Variants in NFIL3 observed in about 807,000 individuals in gnomAD.
The protein encoded by NFIL3 is nuclear factor interleukin-3-regulated protein.
NFIL3 carries 5 observed loss-of-function variants against 10.0 expected under a neutral mutation model. The observed-to-expected ratio is 0.50, with a 90% CI of 0.26 to 1.06. NFIL3 has a LOEUF of 1.06. Ranked by LOEUF, NFIL3 falls within the 50% of genes least tolerant of loss-of-function variation. NFIL3 has a pLI of 0.13. For missense variants in NFIL3, 436 were observed against 547.6 expected, an observed-to-expected ratio of 0.80 and a Z score of 2.03; for synonymous variants, 202 against 206.5, an observed-to-expected ratio of 0.98 and a Z score of 0.19.
chr9:91,450,115 A>T, the NFIL3 span, among the ~76,000 whole-genome samples: 1 of 152,084 alleles, frequency 6.6e-6, no homozygotes, highest in Non-Finnish European at 1.5e-5. Flanking sequence ...TAGTCTAGCT[A>T]AATTTTGTTA....
Position 91,409,123 on chromosome 9 carries a change from T to C in NFIL3, c.*223A>G. 2.2e-6 allele frequency: 1 copy of C among 464,048 alleles called. No individual in the cohort carries two copies. Among genetic ancestry groups the C allele is most frequent in the Non-Finnish European group, 3.8e-6 (1 of 265,330 alleles). The allele number at this position is 464,048 out of a possible 1,614,324, so 28.7% of individuals were successfully genotyped here. ...ATAGAACAACAAAAATAATGTTCAA[T>C]ATATACAGCCTTCGCATGGACTATC... On this transcript the variant is annotated 3_prime_UTR_variant, in exon 2 of 2. Coordinates refer to ENST00000297689, the MANE Select transcript of NFIL3 (RefSeq NM_005384.3).
chr9:91,440,006 T>C, the NFIL3 span, among the ~76,000 whole-genome samples: 1 of 152,150 alleles, frequency 6.6e-6, no homozygotes, highest in Non-Finnish European at 1.5e-5. Flanking sequence ...CTGGATTAGG[T>C]ATCAAGATGA....
At chr9:91,475,167 A>G in the NFIL3 span, among the ~76,000 whole-genome samples, 973 of 152,282 alleles carry the variant, frequency 6.4e-3, 15 homozygotes, top group South Asian at 0.047. Context: ...CTACCCACTC[A>G]TTACTTTGTT....
chr9:91,447,764 C>T, the NFIL3 span, among the ~76,000 whole-genome samples: 70,757 of 151,986 alleles, frequency 0.47, 21,118 homozygotes, highest in African/African-American at 0.84. Flanking sequence ...TGCAAATATT[C>T]TTTTTACCAT....
At chr9:91,443,549 C>T in the NFIL3 span, among the ~76,000 whole-genome samples, 1 of 152,220 alleles carries the variant, frequency 6.6e-6, no homozygotes, top group Admixed American at 6.5e-5. Flanking sequence ...CGGCAGGGGG[C>T]TAACATGTCA....
the NFIL3 span, among the ~76,000 whole-genome samples, chr9:91,434,517 G>A: frequency 1.3e-5 from 2 of 152,168 alleles, no homozygotes; most frequent in East Asian, 3.9e-4. Flanking sequence ...CAAAATATGG[G>A]AGAACAGGTC....
chr9:91,477,987 T>A, the NFIL3 span, among the ~76,000 whole-genome samples: 1 of 152,188 alleles, frequency 6.6e-6, no homozygotes, highest in African/African-American at 2.4e-5. Context: ...CCCACTCTCT[T>A]CTGGCTTGTA....
chr9:91,449,611 A>T, the NFIL3 span, among the ~76,000 whole-genome samples: 5 of 151,846 alleles, frequency 3.3e-5, no homozygotes, highest in Non-Finnish European at 5.9e-5. Context: ...GTTTGCTAGG[A>T]TTTTGTTGAG....
intron 1 of NFIL3, among the ~76,000 whole-genome samples, chr9:91,412,784 G>A (rs534929509): frequency 3.3e-5 from 5 of 151,668 alleles, no homozygotes; most frequent in South Asian, 2.1e-4. Flanking sequence ...CCCAGGAGGC[G>A]GAGGTTGCAG....
the NFIL3 span, among the ~76,000 whole-genome samples, chr9:91,481,818 G>C: frequency 4.6e-5 from 7 of 151,978 alleles, no homozygotes; most frequent in African/African-American, 1.4e-4. Flanking sequence ...AAAATAAAAA[G>C]ATTTTAAAAT....
At chr9:91,445,626 G>A in the NFIL3 span, among the ~76,000 whole-genome samples, 2 of 152,138 alleles carry the variant, frequency 1.3e-5, no homozygotes, top group African/African-American at 2.4e-5. Flanking sequence ...TTCTCTGAGG[G>A]GTGGGGTGCA....
the NFIL3 span, among the ~76,000 whole-genome samples, chr9:91,462,752 G>A: frequency 5.8e-5 from 8 of 137,108 alleles, no homozygotes; most frequent in Admixed American, 6.7e-4. Context: ...TTTTCTGGAA[G>A]AGATTGTATT....
chr9:91,454,945 T>C, the NFIL3 span, among the ~76,000 whole-genome samples: 1 of 152,258 alleles, frequency 6.6e-6, no homozygotes, highest in African/African-American at 2.4e-5. Context: ...ATTAAATGTC[T>C]ACTATGTGTT....
chr9:91,454,011 T>A, the NFIL3 span, among the ~76,000 whole-genome samples: 1,010 of 151,448 alleles, frequency 6.7e-3, 13 homozygotes, highest in Non-Finnish European at 0.011. Context: ...AGGCGGGGGA[T>A]CACTTGAGGT....
chr9:91,424,466 G>C (rs1477755832), upstream of NFIL3, among the ~76,000 whole-genome samples: 3 of 152,298 alleles, frequency 2.0e-5, no homozygotes, highest in African/African-American at 7.2e-5. Flanking sequence ...CCAACACTCG[G>C]GGCGCGCTGC....
chr9:91,426,023 T>A (rs1003013105), upstream of NFIL3, among the ~76,000 whole-genome samples: 11 of 152,188 alleles, frequency 7.2e-5, no homozygotes, highest in African/African-American at 2.4e-4. Context: ...TTGTAGTAAA[T>A]GTCTTTCTTT....
chr9:91,410,185 G>T lies in NFIL3; in HGVS notation c.550C>A (p.Gln184Lys). Residue 184 changes from glutamine to lysine, a missense_variant, in exon 2 of 2, where the codon CAA becomes AAA. Around this residue, in one of 3 missense-constraint regions of NFIL3, gnomAD observed 338 missense variants for 399.9 expected, o/e 0.85. Coordinates refer to ENST00000297689, the MANE Select transcript of NFIL3 (RefSeq NM_005384.3). This position sits in a 1 kb window ranked among gnomAD's most constrained non-coding sequence, Gnocchi z 5.7. ...TCTGAAACATCGGACAGCGAGCTTT[G>T]TGGAGAGTGTTTAATGACAGAAATA... is the stretch of plus-strand genomic sequence containing the variant. Reference protein sequence around the residue: ...SCISVIKHSPQSSLSDVSEVS... With the variant: ...SCISVIKHSPKSSLSDVSEVS... 1.2e-6 allele frequency: 2 copies of T among 1,614,146 alleles called. No homozygotes were observed. Among genetic ancestry groups the T allele is most frequent in the Admixed American group, 3.3e-5 (2 of 60,024 alleles).
the NFIL3 span, among the ~76,000 whole-genome samples, chr9:91,477,007 T>C: frequency 2.0e-5 from 3 of 152,232 alleles, no homozygotes; most frequent in African/African-American, 7.2e-5. Context: ...TTCTGTTTGT[T>C]TTCTGTTGCT....
At chr9:91,478,875 T>C in the NFIL3 span, among the ~76,000 whole-genome samples, 2 of 152,186 alleles carry the variant, frequency 1.3e-5, no homozygotes, top group Non-Finnish European at 2.9e-5. Flanking sequence ...TTTCTGTTTG[T>C]TAGTTTTCCT....
Sources: allele counts gnomAD v4.1 joint callset (sites outside exome capture counted in the v4.1 genomes callset), GRCh38; gene constraint gnomAD v4.1.1; regional missense constraint gnomAD v4.1.1; non-coding constraint Gnocchi (gnomAD v3.1); transcripts MANE v1.5; gene names NCBI Gene and HGNC (gene_info 2026-07-23, HGNC 2026-07-21).